C5orf58: variants seen among roughly 807,000 people sequenced by gnomAD.
C5orf58 encodes chromosome 5 open reading frame 58.
In C5orf58, 2 loss-of-function variants were observed where a neutral mutation model predicts 2.9. The ratio of observed to expected loss-of-function variants is 0.69; its 90% CI spans 0.28 to 2.18. The LOEUF (loss-of-function observed/expected upper bound fraction) is 2.18. C5orf58 is among the 30% of genes most tolerant of loss of function. The pLI is 0.13. For missense variants in C5orf58, 96 were observed against 91.7 expected, an observed-to-expected ratio of 1.05 and a Z score of -0.19; for synonymous variants, 37 against 33.4, an observed-to-expected ratio of 1.11 and a Z score of -0.37.
downstream of C5orf58, among the ~76,000 whole-genome samples, chr5:170,249,186 G>A (rs988761754): frequency 1.6e-4 from 24 of 151,876 alleles, no homozygotes; most frequent in Admixed American, 6.6e-4. Context: ...TTAGCTGGGC[G>A]TGCTGGTGTG....
At chr5:170,238,706 T>C (rs1760845566) in intron 3 of C5orf58, among the ~76,000 whole-genome samples, 1 of 152,188 alleles carries the variant, frequency 6.6e-6, no homozygotes, top group Non-Finnish European at 1.5e-5. Context: ...AAAACAATCA[T>C]ATGAAAGTTC....
chr5:170,237,867 GT>G (rs1274663577), intron 3 of C5orf58, among the ~76,000 whole-genome samples: 2 of 152,102 alleles, frequency 1.3e-5, no homozygotes, highest in African/African-American at 4.8e-5. Flanking sequence ...CTGAAACAAA[GT>G]TTACTTACAA....
At chr5:170,249,333 A>G (rs996295997), downstream of C5orf58, among the ~76,000 whole-genome samples, 4 of 149,630 alleles carry the variant, frequency 2.7e-5, no homozygotes, top group Non-Finnish European at 5.9e-5. Flanking sequence ...CATCTCAAAA[A>G]AAAATAGATA....
At chr5:170,245,569 G>T in intron 3 of C5orf58, among the ~76,000 whole-genome samples, 1 of 152,188 alleles carries the variant, frequency 6.6e-6, no homozygotes, top group Admixed American at 6.5e-5. Flanking sequence ...CTTTGACTCG[G>T]AAAGGGAACT....
intron 3 of C5orf58, among the ~76,000 whole-genome samples, chr5:170,244,104 G>A (rs1477431582): frequency 1.3e-5 from 2 of 151,770 alleles, no homozygotes; most frequent in African/African-American, 2.4e-5. Flanking sequence ...TTGAATATTG[G>A]CCCCCACTCT....
intron 2 of C5orf58, chr5:170,251,534 A>C: frequency 2.6e-6 from 1 of 384,508 alleles, no homozygotes; most frequent in South Asian, 1.9e-5. Flanking sequence ...TTAAAATAGA[A>C]TTAATTGGTA....
downstream of C5orf58, chr5:170,248,518 AT>A: frequency 1.6e-6 from 1 of 632,884 alleles, no homozygotes; most frequent in Non-Finnish European, 2.8e-6. Context: ...GAATAAATAA[AT>A]TATGGGATAG....
chr5:170,248,946 G>A (rs1303845997), downstream of C5orf58: 19 of 887,938 alleles, frequency 2.1e-5, no homozygotes, highest in Non-Finnish European at 3.3e-5. Context: ...GGGAAAAAAT[G>A]TAAATGTGGC....
At chr5:170,237,410 G>T in intron 3 of C5orf58, 1 of 397,338 alleles carries the variant, frequency 2.5e-6, no homozygotes, top group Non-Finnish European at 4.4e-6. Flanking sequence ...TAAATAGAGA[G>T]ATTTAACTTT....
chr5:170,246,272 C>T (rs1038770836), downstream of C5orf58: 1 of 605,708 alleles, frequency 1.7e-6, no homozygotes, highest in Non-Finnish European at 2.7e-6. Flanking sequence ...TGAAGAATGG[C>T]TTAACTTACG....
chr5:170,251,028 A>G, downstream of C5orf58: 1 of 616,784 alleles, frequency 1.6e-6, no homozygotes, highest in Non-Finnish European at 2.9e-6. Flanking sequence ...CCTGTCATTC[A>G]ACGAACATTC....
At chr5:170,234,938 C>A in intron 2 of C5orf58, 39 bp from the exon 3 acceptor site, 1 of 905,070 alleles carries the variant, frequency 1.1e-6, no homozygotes, top group South Asian at 1.6e-5. Flanking sequence ...CACATAAATA[C>A]TGATTTATAC....
intron 3 of C5orf58, among the ~76,000 whole-genome samples, chr5:170,242,012 T>C (rs1269907249): frequency 2.1e-5 from 3 of 145,430 alleles, no homozygotes; most frequent in East Asian, 2.0e-4. Context: ...TGTCAAAGGC[T>C]TTTTCTGCAT....
At chr5:170,243,610 T>C (rs1761117347) in intron 3 of C5orf58, among the ~76,000 whole-genome samples, 1 of 150,580 alleles carries the variant, frequency 6.6e-6, no homozygotes, top group South Asian at 2.1e-4. Flanking sequence ...CCCCTGCCTT[T>C]TTTTGTTTTC....
chr5:170,245,566 T>C (rs1380775923), intron 3 of C5orf58, among the ~76,000 whole-genome samples: 1 of 152,160 alleles, frequency 6.6e-6, no homozygotes, highest in Non-Finnish European at 1.5e-5. Context: ...TTTCTTTGAC[T>C]CGGAAAGGGA....
intron 3 of C5orf58, among the ~76,000 whole-genome samples, chr5:170,240,194 G>T (rs1760932927): frequency 6.6e-6 from 1 of 151,334 alleles, no homozygotes; most frequent in Admixed American, 6.6e-5. Flanking sequence ...ATTTGGGTTG[G>T]TTCCAAGTCT....
chr5:170,244,089 G>A (rs947455332), intron 3 of C5orf58, among the ~76,000 whole-genome samples: 1 of 152,038 alleles, frequency 6.6e-6, no homozygotes, highest in African/African-American at 2.4e-5. Flanking sequence ...TTTTCTTTAA[G>A]AATGTTGAAT....
chr5:170,238,967 G>A (rs1312558139), intron 3 of C5orf58, among the ~76,000 whole-genome samples: 1 of 152,118 alleles, frequency 6.6e-6, no homozygotes, highest in African/African-American at 2.4e-5. Flanking sequence ...CAGAATGGAG[G>A]GATAAAAGGA....
downstream of C5orf58, chr5:170,247,813 C>T (rs1391979632): frequency 6.6e-6 from 1 of 152,138 alleles, no homozygotes; most frequent in Non-Finnish European, 1.5e-5. Context: ...TCCCAGGAAG[C>T]CTTTGGTAAA....
Sources: gnomAD v4.1 joint callset for allele counts (sites outside exome capture counted in the v4.1 genomes callset) on GRCh38, gnomAD v4.1.1 for gene constraint, MANE v1.5 for transcripts, NCBI Gene and HGNC (gene_info 2026-07-23, HGNC 2026-07-21) for gene names.